The following SMARCC2 variants were observed in gnomAD, a reference collection of about 807,000 sequenced individuals.
The protein encoded by SMARCC2 is SWI/SNF related BAF chromatin remodeling complex subunit C2.
A neutral mutation model predicts 151.3 loss-of-function variants in SMARCC2; 15 were observed. The ratio of observed to expected loss-of-function variants is 0.10; its 90% CI spans 0.07 to 0.15. The LOEUF (loss-of-function observed/expected upper bound fraction) is 0.15, where lower values mean the gene tolerates loss of function less well. Among genes scored for constraint, SMARCC2 ranks in the 10% least tolerant of loss-of-function variants. The probability of loss-of-function intolerance (pLI) is 1.00; values close to 1 mark genes in which losing one functional copy is unlikely to be tolerated. For synonymous variants in SMARCC2, 590 were observed against 609.5 expected, an observed-to-expected ratio of 0.97 and a Z score of 0.47; for missense variants, 1,031 against 1,599.7, an observed-to-expected ratio of 0.64 and a Z score of 6.06.
intron 26 of SMARCC2, among the ~76,000 whole-genome samples, chr12:56,165,998 C>G (rs1231835048): frequency 6.6e-6 from 1 of 152,232 alleles, no homozygotes; most frequent in Non-Finnish European, 1.5e-5. Flanking sequence ...AAAATGCTTC[C>G]AGTTCCTTTT....
At chr12:56,169,167 C>T (rs574397723) in intron 25 of SMARCC2, among the ~76,000 whole-genome samples, 31 of 149,186 alleles carry the variant, frequency 2.1e-4, no homozygotes, top group African/African-American at 6.7e-4. Flanking sequence ...TGGTGTAGCA[C>T]GCCTGTAGTC....
chr12:56,166,552 C>T (rs1872797332), intron 26 of SMARCC2, among the ~76,000 whole-genome samples: 1 of 150,972 alleles, frequency 6.6e-6, no homozygotes, highest in Non-Finnish European at 1.5e-5. Context: ...CCCATTAAAC[C>T]TTAAGTTCTC....
chr12:56,185,886 G>C, intron 3 of SMARCC2: 1 of 480,354 alleles, frequency 2.1e-6, no homozygotes, highest in African/African-American at 2.0e-5. Flanking sequence ...CACTCTCTGT[G>C]CTTACTTCAA....
In SMARCC2 at chr12:56,165,347, G is replaced by A. The variant is rs763858752; in HGVS notation, c.3203C>T (p.Pro1068Leu). 4 of 1,500,458 alleles carry A rather than the reference G, an allele frequency of 2.7e-6. No homozygotes were observed. The highest frequency in any genetic ancestry group is 2.8e-5 in the African/African-American group (2 of 70,954). The allele number at this position is 1,500,458 out of a possible 1,614,324, so 92.9% of individuals were successfully genotyped here. ...GGGTCCAGGGGGGGGAACCCCTGGT[G>A]GGACTGCCCCAGGCTGGGGGGCTCC... ...PAGAPQPGAV[P>L]PGVPPPGPHG... The change falls in exon 27 of 29, where the codon CCA becomes CTA. Residue 1068 changes from proline to leucine, a missense_variant. Pro to Leu is a moderately conservative substitution (Grantham distance 98). Coordinates refer to ENST00000550164, the MANE Select transcript of SMARCC2 (RefSeq NM_001330288.2).
Position 56,164,717 on chromosome 12 carries a change from G to A in SMARCC2, c.3247C>T (p.Pro1083Ser), listed in dbSNP as rs1872464496. The A allele has an allele frequency of 1.9e-6, 3 of 1,608,280 alleles. No homozygotes were observed. The highest frequency in any genetic ancestry group is 2.7e-5 in the African/African-American group (2 of 74,992). The change falls in exon 28 of 29, where the codon CCC (proline) becomes TCC (serine). Residue 1083 changes from proline to serine, a missense_variant. Transcript: ENST00000550164. ...PPGPHGPSPF[P>S]NQQTPPSMMP... ...ATTGAGGGAGGAGTTTGTTGGTTGG[G>A]GAACGGTGAGGGGCCTGAGAATAAA...
Position 56,183,938 on chromosome 12 carries a change from T to C in SMARCC2, c.563-8A>G, listed in dbSNP as rs1876741688. ...CTGGTCGTACCCATTCCTCTGGGGA[T>C]AGAGGAAGAGAAGGGAGAGATATAA... On this transcript the variant is annotated splice_polypyrimidine_tract_variant and splice_region_variant and intron_variant, in intron 6 of 28. Coordinates refer to ENST00000550164, the MANE Select transcript of SMARCC2 (RefSeq NM_001330288.2). 2.5e-6 allele frequency: 4 copies of C among 1,597,896 alleles called. No individual in the cohort carries two copies. The highest frequency in any genetic ancestry group is 3.4e-6 in the Non-Finnish European group (4 of 1,166,118).
In SMARCC2 at chr12:56,173,677, C is replaced by T. The variant is rs1435660243; in HGVS notation, c.1650+19G>A. The T allele has an allele frequency of 6.2e-7, 1 of 1,604,264 alleles. No individual in the cohort carries two copies. The highest frequency in any genetic ancestry group is 8.5e-7 in the Non-Finnish European group (1 of 1,174,538). On this transcript the variant is annotated intron_variant, in intron 17 of 28. Transcript: ENST00000550164. ...CCAATCTTCCCAACCCGCCCCATCCCCATAGCACCTCACCCTACCTGAGGT... is the reference window on the plus strand; with the variant it reads ...CCAATCTTCCCAACCCGCCCCATCCTCATAGCACCTCACCCTACCTGAGGT...
At position 56,163,762 on chromosome 12, in the gene SMARCC2, G is replaced by A. The variant is rs1218565699; in HGVS notation, c.3665C>T (p.Pro1222Leu). ...LLPSASPLPD[P>L]GTPLPPDPTA... ...GGGGTCTGGAGGCAGGGGGGTGCCTGGGTCTGTGGAGAAAAGGAAGATAAA... is the reference window on the plus strand; with the variant it reads ...GGGGTCTGGAGGCAGGGGGGTGCCTAGGTCTGTGGAGAAAAGGAAGATAAA... The change falls in exon 29 of 29, where the codon CCA becomes CTA. Residue 1222 changes from proline to leucine, a missense_variant. Coordinates refer to ENST00000550164, the MANE Select transcript of SMARCC2 (RefSeq NM_001330288.2). 10 of 1,512,494 alleles carry A rather than the reference G, an allele frequency of 6.6e-6. No homozygotes were observed. The Admixed American group carries it at 1.3e-4, about 20-fold the overall frequency. The allele number at this position is 1,512,494 out of a possible 1,614,324, so 93.7% of individuals were successfully genotyped here.
chr12:56,174,788 C>T, intron 15 of SMARCC2, 24 bp from the exon 16 acceptor site: 1 of 1,446,728 alleles, frequency 6.9e-7, no homozygotes, highest in Non-Finnish European at 9.7e-7. Context: ...GAGAGAGAAA[C>T]AAGAAGAAGA....
intron 7 of SMARCC2, 156 bp downstream of exon 7, chr12:56,183,705 C>T (rs1876694989): frequency 1.8e-6 from 1 of 550,684 alleles, no homozygotes; most frequent in African/African-American, 1.9e-5. Context: ...AAGTCCAAAC[C>T]TCCCCCAAGA....
Position 56,169,793 on chromosome 12 carries a change from C to T in SMARCC2, c.2531G>A (p.Ser844Asn), listed in dbSNP as rs1327961141. The change falls in exon 24 of 29, where the codon AGT (serine) becomes AAT (asparagine). Residue 844 changes from serine (S) to asparagine (N), a missense_variant. Coordinates refer to ENST00000550164, the MANE Select transcript of SMARCC2 (RefSeq NM_001330288.2). ...AGGCTCACCTATTGGGTCTCCATCA[C>T]TCTTCTCGGACTCCTTCTCACTGTC... ...EGDSEKESEK[S>N]DGDPIVDPEK... 1 of 1,614,202 alleles carries T rather than the reference C, an allele frequency of 6.2e-7. No individual in the cohort carries two copies. Among genetic ancestry groups the T allele is most frequent in the South Asian group, 1.1e-5 (1 of 91,082 alleles).
At chr12:56,173,134 C>T in intron 17 of SMARCC2, 105 bp from the exon 18 acceptor site, 1 of 839,692 alleles carries the variant, frequency 1.2e-6, no homozygotes, top group Non-Finnish European at 2.0e-6. Context: ...GCTCTGGGGG[C>T]ACTCATGCCA....
chr12:56,168,203 G>A lies in SMARCC2; in HGVS notation c.2716-9C>T, dbSNP rs957753597. 1 of 1,614,038 alleles carries A rather than the reference G, an allele frequency of 6.2e-7. No individual in the cohort carries two copies. Among genetic ancestry groups the A allele is most frequent in the African/African-American group, 1.3e-5 (1 of 75,022 alleles). ...TCAACAGCAGCCAAGTGCTAGGGAA[G>A]GAGGGGCGAGACAGCACATCAGTGG... is the stretch of plus-strand genomic sequence containing the variant. On this transcript the variant is annotated splice_polypyrimidine_tract_variant and intron_variant, in intron 25 of 28. Coordinates refer to ENST00000550164, the MANE Select transcript of SMARCC2 (RefSeq NM_001330288.2).
Position 56,189,422 on chromosome 12 carries a change from A to C in SMARCC2, c.40T>G (p.Tyr14Asp). The change falls in exon 1 of 29, where the codon TAC becomes GAC. Residue 14 changes from tyrosine to aspartate, a missense_variant. Transcript: ENST00000550164. The stretch of plus-strand genomic sequence containing the variant: ...GTCACGGTGTCCGCGGCCTCGTAGT[A>C]CTTCACGTTGGGGCCGCCGTCCTTC... Reference protein sequence around the residue: ...RKKDGGPNVKYYEAADTVTQF... With the variant: ...RKKDGGPNVKDYEAADTVTQF... 6.6e-7 allele frequency: 1 copy of C among 1,518,946 alleles called. No individual in the cohort carries two copies. The highest frequency in any genetic ancestry group is 8.9e-7 in the Non-Finnish European group (1 of 1,127,372). The allele number at this position is 1,518,946 out of a possible 1,614,324, so 94.1% of individuals were successfully genotyped here. A position where few individuals can be genotyped will look rare whatever the true frequency, so the allele number is the denominator to read the frequency against.
rs1873952591 is a variant in SMARCC2, at chr12:56,171,526, C to T, written c.2186-94G>A. The T allele has an allele frequency of 1.3e-6, 2 of 1,558,234 alleles. No homozygotes were observed. Among genetic ancestry groups the T allele is most frequent in the African/African-American group, 2.7e-5 (2 of 73,870 alleles). ...CTTACTCACAAGCCCATGTCTTCATCTAAGCTAGTATGGAGCCTAGACAGG... is the reference window on the plus strand; with the variant it reads ...CTTACTCACAAGCCCATGTCTTCATTTAAGCTAGTATGGAGCCTAGACAGG... On this transcript the variant is annotated intron_variant, in intron 21 of 28. Coordinates refer to ENST00000550164, the MANE Select transcript of SMARCC2 (RefSeq NM_001330288.2). The surrounding 1 kb of genome is among the most constrained non-coding windows in gnomAD (Gnocchi z 4.2).
At chr12:56,164,870 C>A (rs1278931158) in intron 27 of SMARCC2, 139 bp from the exon 28 acceptor site, 1 of 712,710 alleles carries the variant, frequency 1.4e-6, no homozygotes, top group African/African-American at 1.8e-5. Flanking sequence ...CTCACTGCAA[C>A]CTCCGCCTCC....
At chr12:56,170,006 T>C in intron 23 of SMARCC2, 95 bp from the exon 24 acceptor site, 1 of 1,447,808 alleles carries the variant, frequency 6.9e-7, no homozygotes, top group African/African-American at 1.4e-5. Flanking sequence ...TTTATTCCTC[T>C]TACTTTGGAG....
chr12:56,163,231 TC>T lies in SMARCC2; in HGVS notation c.*457del, dbSNP rs1872128107. On this transcript the variant is annotated 3_prime_UTR_variant, in exon 29 of 29. Transcript: ENST00000550164. ...CCAGAGCTCTCCCTGGAATCTTAAT[TC>T]CCCTTTCCTAAAACTCACTCCCCCT... is the stretch of plus-strand genomic sequence containing the variant. 6.6e-6 allele frequency: 1 copy of T among 151,842 alleles called. No individual in the cohort carries two copies. Among genetic ancestry groups the T allele is most frequent in the South Asian group, 2.1e-4 (1 of 4,808 alleles). 9.4% of individuals were successfully genotyped at this position (151,842 alleles called of 1,614,324 possible). A position where few individuals can be genotyped will look rare whatever the true frequency, so the allele number is the denominator to read the frequency against.
chr12:56,162,442 A>G lies in SMARCC2; in HGVS notation c.*1247T>C, dbSNP rs1872000054. On this transcript the variant is annotated 3_prime_UTR_variant, in exon 29 of 29. Transcript: ENST00000550164. ...AAAATTTACAGAAAACTTTGAACAG[A>G]AGAAAGGTGCTAAGACGCAGAGGGA... 2 of 621,426 alleles carry G rather than the reference A, an allele frequency of 3.2e-6. No homozygotes were observed. Among genetic ancestry groups the G allele is most frequent in the Non-Finnish European group, 5.6e-6 (2 of 354,180 alleles). The allele number at this position is 621,426 out of a possible 1,614,324, so 38.5% of individuals were successfully genotyped here.
Sources: gnomAD v4.1 joint callset for allele counts (sites outside exome capture counted in the v4.1 genomes callset) on GRCh38, gnomAD v4.1.1 for gene constraint, Gnocchi (gnomAD v3.1) non-coding constraint, MANE v1.5 for transcripts, NCBI Gene and HGNC (gene_info 2026-07-23, HGNC 2026-07-21) for gene names.